CNOT4: variants seen among roughly 807,000 people sequenced by gnomAD.
CNOT4 encodes CCR4-NOT transcription complex subunit 4.
In CNOT4, 8 loss-of-function variants were observed where a neutral mutation model predicts 73.8. The ratio of observed to expected loss-of-function variants is 0.11; its 90% confidence interval spans 0.06 to 0.20. CNOT4 has a LOEUF of 0.20. Among genes scored for constraint, CNOT4 ranks in the 10% least tolerant of loss-of-function variants. The pLI, the probability that CNOT4 is intolerant of heterozygous loss-of-function variation, is 1.00. For missense variants in CNOT4, 564 were observed against 883.4 expected, an observed-to-expected ratio of 0.64 and a Z score of 4.58; for synonymous variants, 293 against 321.1, an observed-to-expected ratio of 0.91 and a Z score of 0.94.
At position 135,363,049 on chromosome 7, in the gene CNOT4, A is replaced by G. The variant is rs1794723346; in HGVS notation, c.1978T>C (p.Phe660Leu). The G allele has an allele frequency of 6.2e-7, 1 of 1,610,892 alleles. No homozygotes were observed. The highest frequency in any genetic ancestry group is 8.5e-7 in the Non-Finnish European group (1 of 1,179,020). The change falls in exon 12 of 12, where the codon TTC becomes CTC. Residue 660 changes from phenylalanine (F) to leucine (L), a missense_variant. Physicochemically the swap from Phe to Leu is conservative, Grantham distance 22. This residue lies in a region of CNOT4 where 88 missense variants were observed against 94.7 expected (regional missense o/e 0.93). Coordinates refer to ENST00000541284, the MANE Select transcript of CNOT4 (RefSeq NM_001190850.2). The surrounding 1 kb of genome is among the most constrained non-coding windows in gnomAD (Gnocchi z 4.3). ...CTGTGCAGCGGGATCTGTGTGCTGA[A>G]GGGGGCGCTGTGGTGGGTCTGTGAT... ...APSQTHHSAPFSTQIPLHRAS... is the reference protein window; with the variant it reads ...APSQTHHSAPLSTQIPLHRAS...
intron 2 of CNOT4, among the ~76,000 whole-genome samples, chr7:135,435,391 T>G (rs1799091685): frequency 6.6e-6 from 1 of 152,328 alleles, no homozygotes; most frequent in East Asian, 1.9e-4. Flanking sequence ...CTTGTTGCAT[T>G]ATATTCTTCA....
chr7:135,388,884 C>T (rs750190839), intron 10 of CNOT4: 1 of 1,612,740 alleles, frequency 6.2e-7, no homozygotes. Flanking sequence ...AAACCTTCAC[C>T]TCTTCTTCCC....
intron 1 of CNOT4, among the ~76,000 whole-genome samples, chr7:135,451,314 C>T (rs968868411): frequency 2.0e-5 from 3 of 152,020 alleles, no homozygotes; most frequent in East Asian, 1.9e-4. Context: ...TGTTTTTGTT[C>T]GAGAGATTCT....
At chr7:135,422,397 A>C (rs368774143) in intron 2 of CNOT4, 44 bp from the exon 3 acceptor site, 1 of 867,820 alleles carries the variant, frequency 1.2e-6, no homozygotes. Flanking sequence ...TAAATTAATT[A>C]AAAAAACTGC....
intron 1 of CNOT4, among the ~76,000 whole-genome samples, chr7:135,445,910 T>C (rs923083139): frequency 6.6e-6 from 1 of 152,164 alleles, no homozygotes; most frequent in Non-Finnish European, 1.5e-5. Flanking sequence ...TCTCACTCTC[T>C]CACCCAGGCT....
At chr7:135,494,466 G>A (rs1318695675) in intron 1 of CNOT4, among the ~76,000 whole-genome samples, 12 of 66,384 alleles carry the variant, frequency 1.8e-4, no homozygotes, top group Admixed American at 2.6e-4. Flanking sequence ...ATGAAATTCC[G>A]TCTCAAAAAA....
At chr7:135,471,254 GA>G in intron 1 of CNOT4, among the ~76,000 whole-genome samples, 1 of 151,692 alleles carries the variant, frequency 6.6e-6, no homozygotes, top group South Asian at 2.1e-4. Flanking sequence ...TGGAAACAGA[GA>G]TAAGAGATTC....
chr7:135,430,636 C>T (rs1798771271), intron 2 of CNOT4, among the ~76,000 whole-genome samples: 1 of 151,830 alleles, frequency 6.6e-6, no homozygotes, highest in South Asian at 2.1e-4. Context: ...GAGACCAAGA[C>T]CCTATCGCTT....
intron 1 of CNOT4, among the ~76,000 whole-genome samples, chr7:135,447,897 A>C (rs1474886385): frequency 6.6e-6 from 1 of 152,050 alleles, no homozygotes; most frequent in Non-Finnish European, 1.5e-5. Flanking sequence ...TATGTCCTAG[A>C]GTATTGTTAA....
Position 135,395,783 on chromosome 7 carries a change from TCAAAAGGGGAC to T in CNOT4, c.969_979del (p.Ser324ArgfsTer36). The T allele has an allele frequency of 6.2e-7, 1 of 1,614,078 alleles. No homozygotes were observed. The highest frequency in any genetic ancestry group is 1.6e-4 in the Middle Eastern group (1 of 6,062). On this transcript the variant is annotated frameshift_variant, in exon 9 of 12. Coordinates refer to ENST00000541284, the MANE Select transcript of CNOT4 (RefSeq NM_001190850.2). LOFTEE classifies it high-confidence loss of function. ...CGACTGTGACTCTGTTACTGCCCCT[TCAAAAGGGGAC>T]CGTGCACTGTGATTGGATGAACTGA... is the stretch of plus-strand genomic sequence containing the variant.
At chr7:135,451,132 A>C (rs889154564) in intron 1 of CNOT4, among the ~76,000 whole-genome samples, 2 of 152,260 alleles carry the variant, frequency 1.3e-5, no homozygotes, top group Admixed American at 1.3e-4. Flanking sequence ...AATGTTTTGC[A>C]ATAGCAAAAA....
intron 1 of CNOT4, among the ~76,000 whole-genome samples, chr7:135,486,486 A>G (rs929207549): frequency 1.3e-5 from 2 of 152,258 alleles, no homozygotes; most frequent in African/African-American, 2.4e-5. Context: ...ATACTGGAAA[A>G]TACTTTACCA....
At chr7:135,377,656 A>G (rs1795594775) in intron 10 of CNOT4, among the ~76,000 whole-genome samples, 1 of 152,214 alleles carries the variant, frequency 6.6e-6, no homozygotes. Flanking sequence ...ATGATACTCC[A>G]GAGTTTCAAA....
At chr7:135,444,503 A>G in intron 1 of CNOT4, 1 of 907,874 alleles carries the variant, frequency 1.1e-6, no homozygotes. Context: ...AAGGAGGTCG[A>G]GCTCTGTTGC....
chr7:135,395,791 G>T lies in CNOT4; in HGVS notation c.972C>A (p.Ser324=). Reference sequence around the variant, plus strand: ...ACTCTGTTACTGCCCCTTCAAAAGGGGACCGTGCACTGTGATTGGATGAAC... The same window carrying T: ...ACTCTGTTACTGCCCCTTCAAAAGGTGACCGTGCACTGTGATTGGATGAAC... ...PISSSNHSAR[S]PFEGAVTESQ... The change falls in exon 9 of 12, where the codon TCC becomes TCA. Residue 324 remains serine (S), a synonymous_variant. Coordinates refer to ENST00000541284, the MANE Select transcript of CNOT4 (RefSeq NM_001190850.2). The T allele has an allele frequency of 3.7e-6, 6 of 1,614,042 alleles. No individual in the cohort carries two copies. Among genetic ancestry groups the T allele is most frequent in the Non-Finnish European group, 5.1e-6 (6 of 1,179,968 alleles).
rs186227681 is a variant in CNOT4, at chr7:135,495,735, A to G, written c.-93+14154T>C. Among the ~76,000 whole-genome samples, 768 of 128,066 alleles carry G rather than the reference A, an allele frequency of 6.0e-3. 58 individuals are homozygous for G. The highest frequency in any genetic ancestry group is 0.057 in the Admixed American group (691 of 12,024). The allele number at this position is 128,066 out of a possible 152,430, so 84.0% of individuals were successfully genotyped here. A position where few individuals can be genotyped will look rare whatever the true frequency, so the allele number is the denominator to read the frequency against. On this transcript the variant is annotated intron_variant, in intron 1 of 11. Coordinates refer to ENST00000541284, the MANE Select transcript of CNOT4 (RefSeq NM_001190850.2). ...GAAAGAAAGAAAGAAAGAAAGAAAG[A>G]AAGAAAGAAAGAAAGAAAGAAAGAA...
rs537327691 is a variant in CNOT4, at chr7:135,479,960, C to T, written c.-93+29929G>A. ...TATAATGAGAAAAATTCCTTTAAAACTAATTAAATTCTGAAGAAACAAGTA... is the reference window on the plus strand; with the variant it reads ...TATAATGAGAAAAATTCCTTTAAAATTAATTAAATTCTGAAGAAACAAGTA... On this transcript the variant is annotated intron_variant, in intron 1 of 11. Transcript: ENST00000541284. 4.6e-4 allele frequency among the ~76,000 whole-genome samples: 70 copies of T among 152,180 alleles called. No individual in the cohort carries two copies. In the South Asian group the frequency reaches 0.014, roughly 31 times the overall value.
At chr7:135,394,472 A>ATC (rs1391056328) in intron 9 of CNOT4, 57 bp from the exon 10 acceptor site, 1 of 1,342,054 alleles carries the variant, frequency 7.5e-7, no homozygotes, top group Admixed American at 2.2e-5. Context: ...TTCATACTTA[A>ATC]TAAGTATCCA....
intron 1 of CNOT4, among the ~76,000 whole-genome samples, chr7:135,472,087 C>T (rs994873592): frequency 2.0e-5 from 3 of 151,424 alleles, no homozygotes; most frequent in Admixed American, 6.6e-5. Context: ...GCAGGAGTAG[C>T]GCTTGAGCCT....
Sources: gnomAD v4.1 joint callset for allele counts (sites outside exome capture counted in the v4.1 genomes callset) on GRCh38, gnomAD v4.1.1 for gene constraint, gnomAD v4.1.1 regional missense constraint, Gnocchi (gnomAD v3.1) non-coding constraint, MANE v1.5 for transcripts, NCBI Gene and HGNC (gene_info 2026-07-23, HGNC 2026-07-21) for gene names.